The following SEPTIN6 variants were observed in gnomAD, a reference collection of about 807,000 sequenced individuals.
SEPTIN6 encodes the protein septin-6.
Under a neutral mutation model 33.6 loss-of-function variants are expected in SEPTIN6, and 8 were observed. The observed-to-expected ratio is 0.24, with a 90% CI of 0.14 to 0.43. SEPTIN6 has a LOEUF of 0.43. Among genes scored for constraint, SEPTIN6 ranks in the 20% least tolerant of loss-of-function variants. The probability of loss-of-function intolerance (pLI) is 1.00; values close to 1 mark genes in which losing one functional copy is unlikely to be tolerated. For synonymous variants in SEPTIN6, 131 were observed against 140.0 expected, an observed-to-expected ratio of 0.94 and a Z score of 0.45; for missense variants, 250 against 340.8, an observed-to-expected ratio of 0.73 and a Z score of 2.10.
chrX:119,625,259 G>T, intron 10 of SEPTIN6, 76 bp downstream of exon 10: 1 of 672,845 alleles, frequency 1.5e-6, no homozygotes, highest in Non-Finnish European at 2.4e-6. Context: ...TTAGATGCTT[G>T]TGTTGGGGGT....
At chrX:119,673,841 C>CAAAAAAAAAAAAAAAAAAAAAAAAAAAAA (rs774954935) in intron 2 of SEPTIN6, among the ~76,000 whole-genome samples, 1 of 38,211 alleles carries the variant, frequency 2.6e-5, no homozygotes, top group Non-Finnish European at 4.6e-5. Flanking sequence ...GACTCTGTCT[C>CAAAAAAAAAAAAAAAAAAAAAAAAAAAAA]AAAAAAAAAA....
intron 8 of SEPTIN6, among the ~76,000 whole-genome samples, chrX:119,632,256 C>T (rs1225527749): frequency 2.8e-5 from 3 of 108,286 alleles, no homozygotes; most frequent in Admixed American, 9.9e-5. Context: ...AGTACAGTGG[C>T]GCGATCTCGG....
chrX:119,662,207 G>T (rs771692474), intron 3 of SEPTIN6, among the ~76,000 whole-genome samples: 1 of 111,805 alleles, frequency 8.9e-6, no homozygotes, highest in African/African-American at 3.2e-5. Flanking sequence ...ATGTGTCCAT[G>T]GTTGGAACAT....
intron 5 of SEPTIN6, among the ~76,000 whole-genome samples, chrX:119,642,570 C>T (rs1156323174): frequency 9.0e-6 from 1 of 110,624 alleles, no homozygotes; most frequent in African/African-American, 3.3e-5. Context: ...AGATGAGGTG[C>T]GTACTCTAAA....
At chrX:119,638,621 G>A (rs2054105741) in intron 6 of SEPTIN6, among the ~76,000 whole-genome samples, 1 of 111,590 alleles carries the variant, frequency 9.0e-6, no homozygotes, top group Admixed American at 9.5e-5. Flanking sequence ...TCCAAAGCCC[G>A]AATCAGCTCA....
intron 3 of SEPTIN6, among the ~76,000 whole-genome samples, chrX:119,662,457 C>T (rs1446974935): frequency 8.9e-6 from 1 of 111,864 alleles, no homozygotes; most frequent in Admixed American, 9.5e-5. Context: ...TTTCTTTTGC[C>T]TTCACAACCC....
At chrX:119,627,788 C>CTTT in intron 9 of SEPTIN6, among the ~76,000 whole-genome samples, 1 of 96,065 alleles carries the variant, frequency 1.0e-5, no homozygotes, top group African/African-American at 3.8e-5. Flanking sequence ...TGTATCTGCA[C>CTTT]TTCTTTTTTT....
intron 2 of SEPTIN6, among the ~76,000 whole-genome samples, chrX:119,673,627 G>A (rs775049050): frequency 1.8e-4 from 20 of 110,329 alleles, no homozygotes; most frequent in South Asian, 3.8e-4. Flanking sequence ...AGAAGTTTGG[G>A]AGGCCGAGGT....
chrX:119,655,155 C>T (rs748273569), intron 3 of SEPTIN6, among the ~76,000 whole-genome samples: 1 of 110,711 alleles, frequency 9.0e-6, no homozygotes, highest in African/African-American at 3.3e-5. Context: ...GCCTGTCTTA[C>T]TGCAATTGCC....
At chrX:119,679,768 G>A (rs2054916759) in intron 1 of SEPTIN6, among the ~76,000 whole-genome samples, 1 of 112,038 alleles carries the variant, frequency 8.9e-6, no homozygotes, top group Non-Finnish European at 1.9e-5. Context: ...TGAGAGGCAG[G>A]AGAATCACTT....
At position 119,686,701 on chromosome X, in the gene SEPTIN6, T is replaced by G. The variant is rs781148026; in HGVS notation, c.30+6375A>C. ...ATTTATTCTGCGCCCCCCACTCCAG[T>G]TGTTACTTAAAATAATCCATCATTA... On this transcript the variant is annotated intron_variant, in intron 1 of 10. Coordinates refer to ENST00000394610, the MANE Select transcript of SEPTIN6 (RefSeq NM_145799.4). The G allele has an allele frequency of 2.2e-5, 14 of 645,437 alleles. No homozygotes were observed. The East Asian group carries it at 6.9e-4, about 32-fold the overall frequency. The allele number at this position is 645,437 out of a possible 1,213,427, so 53.2% of individuals were successfully genotyped here.
chrX:119,686,448 C>T (rs2055056849), intron 1 of SEPTIN6: 2 of 339,426 alleles, frequency 5.9e-6, no homozygotes, highest in East Asian at 2.2e-4. Context: ...AGATCTTTTC[C>T]CTGGTCACCT....
chrX:119,647,547 G>C (rs1198701305), intron 5 of SEPTIN6, among the ~76,000 whole-genome samples: 1 of 93,323 alleles, frequency 1.1e-5, no homozygotes, highest in Non-Finnish European at 2.0e-5. Context: ...GCAGTGGCTC[G>C]ATCAGGGTTC....
chrX:119,684,391 GCTGATAGCTTCCT>G (rs2055014529), intron 1 of SEPTIN6, among the ~76,000 whole-genome samples: 1 of 110,694 alleles, frequency 9.0e-6, no homozygotes, highest in South Asian at 3.7e-4. Context: ...CAATCAGGTA[GCTGATAGCTTCCT>G]CTGCTGCCTC....
rs2147421146 is a variant in SEPTIN6 at position 119,618,026 on chromosome X, T to G, written c.*2067A>C. The G allele has an allele frequency of 7.4e-6, 6 of 806,395 alleles. No homozygotes were observed. In the South Asian group the frequency reaches 3.9e-4, roughly 53 times the overall value. The allele number at this position is 806,395 out of a possible 1,213,427, so 66.5% of individuals were successfully genotyped here. ...GGAAGTGGTGGTTACCGGTTGGTTGTTTAAGCGTGAATTTCTGGGAAAGCA... is the reference window on the plus strand; with the variant it reads ...GGAAGTGGTGGTTACCGGTTGGTTGGTTAAGCGTGAATTTCTGGGAAAGCA... On this transcript the variant is annotated 3_prime_UTR_variant, in exon 11 of 11. Transcript: ENST00000394610.
At chrX:119,674,415 G>A (rs1252544575) in intron 2 of SEPTIN6, among the ~76,000 whole-genome samples, 2 of 110,219 alleles carry the variant, frequency 1.8e-5, no homozygotes, top group Non-Finnish European at 3.8e-5. Context: ...CTGACCTCGT[G>A]ATCCACCGGC....
chrX:119,645,492 G>T (rs1248911110), intron 5 of SEPTIN6, among the ~76,000 whole-genome samples: 2 of 109,988 alleles, frequency 1.8e-5, no homozygotes, highest in Non-Finnish European at 3.8e-5. Flanking sequence ...CCGTCTCCTG[G>T]GTTCAAGCGA....
chrX:119,646,755 C>T, intron 5 of SEPTIN6: 1 of 294,229 alleles, frequency 3.4e-6, no homozygotes, highest in Non-Finnish European at 7.4e-6. Context: ...TGACAATTGG[C>T]TGGGGTGGCT....
At chrX:119,692,538 C>T (rs745447323) in intron 1 of SEPTIN6, among the ~76,000 whole-genome samples, 3 of 111,744 alleles carry the variant, frequency 2.7e-5, no homozygotes, top group Non-Finnish European at 5.7e-5. Context: ...CACACACAGA[C>T]GCAGTCACAT....
Sources: allele counts gnomAD v4.1 joint callset (sites outside exome capture counted in the v4.1 genomes callset), GRCh38; gene constraint gnomAD v4.1.1; transcripts MANE v1.5; gene names NCBI Gene and HGNC (gene_info 2026-07-23, HGNC 2026-07-21).